MDGA2: variants seen among roughly 807,000 people sequenced by gnomAD.
MDGA2 encodes the protein MAM domain-containing glycosylphosphatidylinositol anchor protein 2.
A neutral mutation model predicts 117.8 loss-of-function variants in MDGA2; 40 were observed. That is an observed-to-expected ratio of 0.34 (90% CI 0.26 to 0.44). The LOEUF (loss-of-function observed/expected upper bound fraction) is 0.44, where lower values mean the gene tolerates loss of function less well. Ranked by LOEUF, MDGA2 falls within the 20% of genes least tolerant of loss-of-function variation. MDGA2 has a pLI of 1.00. For missense variants in MDGA2, 1,123 were observed against 1,250.6 expected, an observed-to-expected ratio of 0.90 and a Z score of 1.54; for synonymous variants, 452 against 439.0, an observed-to-expected ratio of 1.03 and a Z score of -0.37.
chr14:47,211,330 T>A (rs926435291), intron 3 of MDGA2, among the ~76,000 whole-genome samples: 4 of 152,172 alleles, frequency 2.6e-5, no homozygotes, highest in Non-Finnish European at 5.9e-5. Flanking sequence ...CACAGTTTCA[T>A]GGATGCTAAC....
chr14:47,671,557 TTG>T, intron 1 of MDGA2, among the ~76,000 whole-genome samples: 1 of 152,302 alleles, frequency 6.6e-6, no homozygotes, highest in Non-Finnish European at 1.5e-5. Context: ...AGAAAATCAT[TTG>T]TGTTTCCTCT....
At position 47,203,398 on chromosome 14, in the gene MDGA2, G is replaced by C. The variant is rs964769500; in HGVS notation, c.595+14623C>G. On this transcript the variant is annotated intron_variant, in intron 3 of 16. Coordinates refer to ENST00000399232, the MANE Select transcript of MDGA2 (RefSeq NM_001113498.3). Reference sequence around the variant, plus strand: ...GGAAGAAGGAAAGAGAAGCATGCAGGGATGAATGGTGCCAGGAAGACAGAG... The same window carrying C: ...GGAAGAAGGAAAGAGAAGCATGCAGCGATGAATGGTGCCAGGAAGACAGAG... Among the ~76,000 whole-genome samples the C allele has an allele frequency of 3.3e-5, 5 of 151,984 alleles. 1 individual carries two copies. The highest frequency in any genetic ancestry group is 6.6e-5 in the Admixed American group (1 of 15,250).
At chr14:47,428,480 T>C (rs910074214) in intron 1 of MDGA2, among the ~76,000 whole-genome samples, 1 of 152,114 alleles carries the variant, frequency 6.6e-6, no homozygotes, top group Non-Finnish European at 1.5e-5. Flanking sequence ...CAGGTATATA[T>C]TTGATCTTTA....
intron 9 of MDGA2, among the ~76,000 whole-genome samples, chr14:46,944,659 G>GT (rs1477449209): frequency 1.3e-5 from 2 of 151,846 alleles, no homozygotes; most frequent in East Asian, 1.9e-4. Context: ...CTATCAGGTT[G>GT]TATCAGCTCT....
At chr14:47,482,528 T>C (rs1236827343) in intron 1 of MDGA2, among the ~76,000 whole-genome samples, 2 of 152,122 alleles carry the variant, frequency 1.3e-5, no homozygotes, top group Admixed American at 1.3e-4. Flanking sequence ...GAGTTCATTC[T>C]GACTCTGAAA....
At chr14:47,051,315 T>C (rs1412143093) in intron 7 of MDGA2, among the ~76,000 whole-genome samples, 1 of 151,938 alleles carries the variant, frequency 6.6e-6, no homozygotes, top group Non-Finnish European at 1.5e-5. Context: ...TTTAAAATTG[T>C]TTTATGAAAC....
chr14:47,412,287 TA>T (rs1364906671), intron 1 of MDGA2, among the ~76,000 whole-genome samples: 2 of 152,154 alleles, frequency 1.3e-5, no homozygotes, highest in African/African-American at 4.8e-5. Flanking sequence ...TATTTCCTTT[TA>T]TTTTTTTCAA....
intron 9 of MDGA2, among the ~76,000 whole-genome samples, chr14:46,933,941 C>G (rs1454125461): frequency 1.3e-5 from 2 of 148,894 alleles, no homozygotes; most frequent in Non-Finnish European, 3.0e-5. Flanking sequence ...CTCTAAAATC[C>G]TGGATACACT....
intron 10 of MDGA2, among the ~76,000 whole-genome samples, chr14:46,911,460 T>C (rs1192384738): frequency 6.6e-6 from 1 of 152,236 alleles, no homozygotes; most frequent in East Asian, 1.9e-4. Context: ...TTAAATCTTT[T>C]AAATGTTGAA....
Position 47,540,563 on chromosome 14 carries a change from T to TATATATATATATATATATATACAC in MDGA2, c.280+133953_280+133954insGTGTATATATATATATATATATAT, listed in dbSNP as rs370481455. On this transcript the variant is annotated intron_variant, in intron 1 of 16. Transcript: ENST00000399232. ...GTGTATATATATATATGTATATATA[T>TATATATATATATATATATATACAC]ACACACACACATAGAGAGAGAGACA... is the stretch of plus-strand genomic sequence containing the variant. Among the ~76,000 whole-genome samples the TATATATATATATATATATATACAC allele has an allele frequency of 1.9e-3, 217 of 112,252 alleles. 15 individuals are homozygous for TATATATATATATATATATATACAC. The highest frequency in any genetic ancestry group is 9.2e-3 in the Middle Eastern group (2 of 218). 73.6% of individuals were successfully genotyped at this position (112,252 alleles called of 152,430 possible).
intron 4 of MDGA2, among the ~76,000 whole-genome samples, chr14:47,137,467 T>C (rs1487261180): frequency 2.0e-5 from 3 of 152,208 alleles, no homozygotes; most frequent in African/African-American, 7.2e-5. Context: ...ACTCTGTTAA[T>C]TTCCTTGAGA....
intron 8 of MDGA2, among the ~76,000 whole-genome samples, chr14:47,034,729 TACACACACACACACACACACAC>T (rs59191576): frequency 6.8e-6 from 1 of 147,056 alleles, no homozygotes; most frequent in Admixed American, 6.8e-5. Context: ...ATAATTATCA[TACACACACACACACACACACAC>T]ACACACACAC....
intron 1 of MDGA2, among the ~76,000 whole-genome samples, chr14:47,380,582 A>G (rs1891596380): frequency 6.6e-6 from 1 of 152,112 alleles, no homozygotes; most frequent in South Asian, 2.1e-4. Context: ...AGAATACTAC[A>G]AACACCTCTA....
At chr14:47,485,275 A>C (rs1156772205) in intron 1 of MDGA2, among the ~76,000 whole-genome samples, 1 of 152,180 alleles carries the variant, frequency 6.6e-6, no homozygotes, top group African/African-American at 2.4e-5. Context: ...ATGTTTTAGC[A>C]AAAGAGACTG....
intron 3 of MDGA2, among the ~76,000 whole-genome samples, chr14:47,191,961 G>T (rs1001144808): frequency 2.0e-5 from 3 of 152,112 alleles, no homozygotes; most frequent in Admixed American, 1.3e-4. Flanking sequence ...CAGAGAATGA[G>T]TAACTGACTG....
chr14:46,967,478 C>A (rs1886081298), intron 8 of MDGA2, among the ~76,000 whole-genome samples: 1 of 152,148 alleles, frequency 6.6e-6, no homozygotes, highest in Admixed American at 6.5e-5. Context: ...GAATTAAATT[C>A]TTCCATTGCC....
At chr14:47,281,186 C>A (rs529140404) in intron 2 of MDGA2, among the ~76,000 whole-genome samples, 9 of 149,914 alleles carry the variant, frequency 6.0e-5, no homozygotes, top group Admixed American at 1.3e-4. Context: ...CTCAAAATAT[C>A]TTTTTAAGTA....
chr14:47,461,269 A>ATGTGCGTGTGTGTGTG (rs1893478186), intron 1 of MDGA2, among the ~76,000 whole-genome samples: 1 of 142,838 alleles, frequency 7.0e-6, no homozygotes, highest in Non-Finnish European at 1.5e-5. Flanking sequence ...AAAAAAATGT[A>ATGTGCGTGTGTGTGTG]TGTGTGTGTG....
chr14:46,947,815 T>A (rs77369178), intron 9 of MDGA2, among the ~76,000 whole-genome samples: 4,475 of 152,052 alleles, frequency 0.029, 236 homozygotes, highest in African/African-American at 0.1. Flanking sequence ...ACTAATACAG[T>A]CGTCCTTTTT....
Sources: allele counts gnomAD v4.1 joint callset (sites outside exome capture counted in the v4.1 genomes callset), GRCh38; gene constraint gnomAD v4.1.1; transcripts MANE v1.5; gene names NCBI Gene and HGNC (gene_info 2026-07-23, HGNC 2026-07-21).